Variants in BCKDHB observed in about 807,000 individuals in gnomAD.
BCKDHB encodes branched chain keto acid dehydrogenase E1 subunit beta, also known as 2-oxoisovalerate dehydrogenase subunit beta, mitochondrial.
In BCKDHB, 41 loss-of-function variants were observed where a neutral mutation model predicts 48.5. That is an observed-to-expected ratio of 0.85 (90% CI 0.66 to 1.10). The LOEUF is 1.10. Among genes scored for constraint, BCKDHB ranks in the 50% least tolerant of loss-of-function variants. The pLI, the probability that BCKDHB is intolerant of heterozygous loss-of-function variation, is 0.00. For missense variants in BCKDHB, 496 were observed against 494.2 expected, an observed-to-expected ratio of 1.00 and a Z score of -0.03; for synonymous variants, 201 against 174.8, an observed-to-expected ratio of 1.15 and a Z score of -1.18.
intron 6 of BCKDHB, among the ~76,000 whole-genome samples, chr6:80,186,226 C>T (rs1773633496): frequency 6.6e-6 from 1 of 152,106 alleles, no homozygotes. Flanking sequence ...GAGGTGGGGG[C>T]AGGCCTAGGC....
chr6:80,145,303 C>T (rs1771426911), intron 3 of BCKDHB, among the ~76,000 whole-genome samples: 1 of 152,188 alleles, frequency 6.6e-6, no homozygotes, highest in South Asian at 2.1e-4. Flanking sequence ...TGTCCATCCT[C>T]TGGAGCATAC....
At chr6:80,446,497 A>G in the BCKDHB span, among the ~76,000 whole-genome samples, 1 of 152,100 alleles carries the variant, frequency 6.6e-6, no homozygotes, top group Non-Finnish European at 1.5e-5. Context: ...AATAGTCAGG[A>G]CTCAGCTGGG....
intron 8 of BCKDHB, among the ~76,000 whole-genome samples, chr6:80,243,709 A>G (rs1344061146): frequency 6.6e-6 from 1 of 151,732 alleles, no homozygotes; most frequent in African/African-American, 2.4e-5. Flanking sequence ...ATTTTTGTTT[A>G]CCTTTTTGTA....
At chr6:80,146,215 A>C (rs1006829134) in intron 3 of BCKDHB, among the ~76,000 whole-genome samples, 2 of 152,124 alleles carry the variant, frequency 1.3e-5, no homozygotes, top group Non-Finnish European at 2.9e-5. Flanking sequence ...AAGGTACTAA[A>C]ATTTTAAAGA....
chr6:80,155,203 T>C (rs900273378), intron 3 of BCKDHB, among the ~76,000 whole-genome samples: 1 of 152,158 alleles, frequency 6.6e-6, no homozygotes, highest in Non-Finnish European at 1.5e-5. Flanking sequence ...GACAGTTTTA[T>C]AGTAGCTATC....
chr6:80,218,691 C>T (rs1261037889), intron 8 of BCKDHB, among the ~76,000 whole-genome samples: 1 of 151,912 alleles, frequency 6.6e-6, no homozygotes, highest in African/African-American at 2.4e-5. Flanking sequence ...ATCTTTTGAC[C>T]TCTCACTATG....
the BCKDHB span, among the ~76,000 whole-genome samples, chr6:80,466,298 A>T: frequency 6.6e-6 from 1 of 152,144 alleles, no homozygotes; most frequent in Admixed American, 6.5e-5. Context: ...ATTTACGTAC[A>T]TTATTAACAA....
intron 8 of BCKDHB, among the ~76,000 whole-genome samples, chr6:80,254,544 T>A (rs1338845179): frequency 6.6e-6 from 1 of 151,702 alleles, no homozygotes; most frequent in Non-Finnish European, 1.5e-5. Context: ...AAAATAAAAA[T>A]AAAAAAATTA....
chr6:80,107,528 T>TATATATATGC (rs1562050568), intron 1 of BCKDHB, among the ~76,000 whole-genome samples: 2 of 113,900 alleles, frequency 1.8e-5, no homozygotes, highest in Non-Finnish European at 3.6e-5. Context: ...TATATATATA[T>TATATATATGC]GCATATATAT....
chr6:80,107,730 A>C (rs1202627690), intron 1 of BCKDHB, among the ~76,000 whole-genome samples: 2 of 151,790 alleles, frequency 1.3e-5, no homozygotes, highest in Non-Finnish European at 2.9e-5. Flanking sequence ...CTATGCTGCC[A>C]CTTAGCCAAG....
the BCKDHB span, among the ~76,000 whole-genome samples, chr6:80,414,152 G>GT: frequency 1.3e-5 from 2 of 151,586 alleles, no homozygotes; most frequent in East Asian, 1.9e-4. Flanking sequence ...GGGGTTATTT[G>GT]TTTTTTCTTG....
chr6:80,269,688 TTTTAA>T (rs1562190934), intron 8 of BCKDHB, among the ~76,000 whole-genome samples: 1 of 152,130 alleles, frequency 6.6e-6, no homozygotes, highest in Non-Finnish European at 1.5e-5. Flanking sequence ...GTTTAAACAC[TTTTAA>T]TTTGTTTCAA....
At chr6:80,403,053 G>A in the BCKDHB span, among the ~76,000 whole-genome samples, 3 of 151,662 alleles carry the variant, frequency 2.0e-5, no homozygotes, top group South Asian at 2.1e-4. Context: ...CTATAGCTTC[G>A]TTTTTTCTCG....
At chr6:80,125,991 A>G (rs1204660959) in intron 1 of BCKDHB, among the ~76,000 whole-genome samples, 1 of 152,210 alleles carries the variant, frequency 6.6e-6, no homozygotes, top group Non-Finnish European at 1.5e-5. Context: ...GCACAGTAAG[A>G]CAAAGTATGC....
At chr6:80,428,412 G>T in the BCKDHB span, among the ~76,000 whole-genome samples, 1 of 152,088 alleles carries the variant, frequency 6.6e-6, no homozygotes, top group African/African-American at 2.4e-5. Flanking sequence ...GGGTCAAATG[G>T]TATTTCTAGT....
At chr6:80,248,902 ATGTGTGTGTGTG>A (rs3077568) in intron 8 of BCKDHB, among the ~76,000 whole-genome samples, 4 of 146,682 alleles carry the variant, frequency 2.7e-5, no homozygotes, top group Non-Finnish European at 6.0e-5. Flanking sequence ...GTGTGTGTGT[ATGTGTGTGTGTG>A]TGTGTGTGTG....
chr6:80,371,306 T>G, the BCKDHB span, among the ~76,000 whole-genome samples: 1 of 152,186 alleles, frequency 6.6e-6, no homozygotes, highest in African/African-American at 2.4e-5. Flanking sequence ...AACTGTCTAT[T>G]CATGTCCTTA....
At chr6:80,440,175 A>G in the BCKDHB span, among the ~76,000 whole-genome samples, 1 of 152,190 alleles carries the variant, frequency 6.6e-6, no homozygotes, top group Admixed American at 6.5e-5. Context: ...TTAAATACCA[A>G]TAAAGGTAAC....
chr6:80,246,107 G>T (rs77891527), intron 8 of BCKDHB, among the ~76,000 whole-genome samples: 5,480 of 152,098 alleles, frequency 0.036, 319 homozygotes, highest in African/African-American at 0.12. Context: ...ATGAGAGAAA[G>T]ACATTTTAAA....
Sources: gnomAD v4.1 joint callset for allele counts (sites outside exome capture counted in the v4.1 genomes callset) on GRCh38, gnomAD v4.1.1 for gene constraint, MANE v1.5 for transcripts, NCBI Gene and HGNC (gene_info 2026-07-23, HGNC 2026-07-21) for gene names.